Variants in MAGI1 observed in about 807,000 individuals in gnomAD.
MAGI1 encodes the protein membrane-associated guanylate kinase, WW and PDZ domain-containing protein 1.
MAGI1 carries 58 observed loss-of-function variants against 139.9 expected under a neutral mutation model. That is an observed-to-expected ratio of 0.41 (90% CI 0.34 to 0.52). MAGI1 has a LOEUF of 0.52. Ranked by LOEUF, MAGI1 falls within the 20% of genes least tolerant of loss-of-function variation. The pLI, the probability that MAGI1 is intolerant of heterozygous loss-of-function variation, is 0.12. For synonymous variants in MAGI1, 812 were observed against 737.9 expected (o/e 1.10, Z -1.63); for missense variants, 1,874 against 1,901.6 (o/e 0.99, Z 0.27).
chr3:65,917,857 A>G (rs2061980294), intron 1 of MAGI1, among the ~76,000 whole-genome samples: 1 of 152,252 alleles, frequency 6.6e-6, no homozygotes, highest in African/African-American at 2.4e-5. Flanking sequence ...GACACGTGTC[A>G]TTACATATTT....
chr3:65,850,844 CA>C (rs1416733124), intron 1 of MAGI1, among the ~76,000 whole-genome samples: 1 of 152,192 alleles, frequency 6.6e-6, no homozygotes, highest in Non-Finnish European at 1.5e-5. Flanking sequence ...TGGTGGCTCA[CA>C]CCTGTAATTC....
intron 2 of MAGI1, among the ~76,000 whole-genome samples, chr3:65,570,394 A>C (rs2080899701): frequency 6.7e-6 from 1 of 149,968 alleles, no homozygotes; most frequent in African/African-American, 2.5e-5. Flanking sequence ...GAGCCACTAC[A>C]CCTGGCCTTT....
In MAGI1 at chr3:66,027,833, T is replaced by A. The variant is rs182638341; in HGVS notation, c.313+10163A>T. 1.4e-3 allele frequency among the ~76,000 whole-genome samples: 213 copies of A among 152,190 alleles called. 1 individual carries two copies. Among genetic ancestry groups the A allele is most frequent in the Middle Eastern group, 3.4e-3 (1 of 294 alleles). Reference sequence around the variant, plus strand: ...AGGGGCTGTTGTGTACATTGTGGGGTGTTCAGCAGGGTCCCGGGCCTCTAC... The same window carrying A: ...AGGGGCTGTTGTGTACATTGTGGGGAGTTCAGCAGGGTCCCGGGCCTCTAC... On this transcript the variant is annotated intron_variant, in intron 1 of 22. Transcript: ENST00000402939.
chr3:65,559,010 T>A (rs1027674501), intron 2 of MAGI1, among the ~76,000 whole-genome samples: 16 of 152,200 alleles, frequency 1.1e-4, no homozygotes, highest in African/African-American at 3.9e-4. Flanking sequence ...GGCCAAATTA[T>A]ACATAGTGCA....
At chr3:65,639,989 CA>C (rs10576734) in intron 1 of MAGI1, among the ~76,000 whole-genome samples, 2,539 of 136,124 alleles carry the variant, frequency 0.019, 60 homozygotes, top group African/African-American at 0.058. Flanking sequence ...AACTCCGTCT[CA>C]AAAAAAAAAA....
chr3:66,000,150 G>C lies in MAGI1; in HGVS notation c.313+37846C>G, dbSNP rs1245238353. Among the ~76,000 whole-genome samples, 11 of 151,922 alleles carry C rather than the reference G, an allele frequency of 7.2e-5. No individual in the cohort carries two copies. The East Asian group carries it at 2.1e-3, about 30-fold the overall frequency. On this transcript the variant is annotated intron_variant, in intron 1 of 22. Coordinates refer to ENST00000402939, the MANE Select transcript of MAGI1 (RefSeq NM_001033057.2). ...ACCATGCCCGGCTAATTTTCTTTTT[G>C]TATTTTTAGTAGAGACAGGGTTTCA...
At chr3:65,934,768 GTT>G (rs56950206) in intron 1 of MAGI1, among the ~76,000 whole-genome samples, 4 of 142,086 alleles carry the variant, frequency 2.8e-5, no homozygotes, top group Non-Finnish European at 3.1e-5. Flanking sequence ...AAAAGTTGTT[GTT>G]TTTTTTTTTT....
At chr3:65,990,864 G>C (rs144582090) in intron 1 of MAGI1, among the ~76,000 whole-genome samples, 3 of 152,244 alleles carry the variant, frequency 2.0e-5, no homozygotes, top group Non-Finnish European at 4.4e-5. Flanking sequence ...GTGCATGCCT[G>C]TCGTCCTAGA....
intron 1 of MAGI1, among the ~76,000 whole-genome samples, chr3:65,811,829 C>G (rs2041252250): frequency 6.6e-6 from 1 of 152,056 alleles, no homozygotes; most frequent in Admixed American, 6.6e-5. Flanking sequence ...AGAATCCCCC[C>G]TTGTTCTTTT....
At chr3:65,611,215 AG>A (rs1462791464) in intron 2 of MAGI1, among the ~76,000 whole-genome samples, 1 of 141,558 alleles carries the variant, frequency 7.1e-6, no homozygotes, top group African/African-American at 2.5e-5. Context: ...ACACACGTGT[AG>A]TACTATATAC....
chr3:65,960,148 T>A (rs1250000650), intron 1 of MAGI1, among the ~76,000 whole-genome samples: 1 of 152,078 alleles, frequency 6.6e-6, no homozygotes, highest in Non-Finnish European at 1.5e-5. Flanking sequence ...GAGACAAGTA[T>A]CTTTCTGTTC....
At chr3:65,687,764 C>T (rs2088190915) in intron 1 of MAGI1, 2 of 559,718 alleles carry the variant, frequency 3.6e-6, no homozygotes, top group Admixed American at 1.9e-5. Context: ...GAAGTTTTGA[C>T]CATGCCTACC....
chr3:65,707,854 G>A (rs2030646079), intron 1 of MAGI1, among the ~76,000 whole-genome samples: 1 of 152,136 alleles, frequency 6.6e-6, no homozygotes, highest in Non-Finnish European at 1.5e-5. Flanking sequence ...AACCAGAGAG[G>A]AAAGCAAGCC....
intron 2 of MAGI1, among the ~76,000 whole-genome samples, chr3:65,572,377 T>G (rs755546592): frequency 1.3e-5 from 2 of 151,872 alleles, no homozygotes; most frequent in African/African-American, 4.8e-5. Flanking sequence ...AACAAGCAAA[T>G]GGTGTTAAAG....
chr3:65,458,170 T>C (rs1949526437), intron 5 of MAGI1, among the ~76,000 whole-genome samples: 1 of 152,178 alleles, frequency 6.6e-6, no homozygotes. Flanking sequence ...ATTGGGTATA[T>C]GGACTCCACT....
In MAGI1 at chr3:65,835,654, T is replaced by C. The variant is rs567355111; in HGVS notation, c.313+202342A>G. 3.9e-5 allele frequency among the ~76,000 whole-genome samples: 6 copies of C among 152,354 alleles called. No homozygotes were observed. In the East Asian group the frequency reaches 9.7e-4, roughly 25 times the overall value. Reference sequence around the variant, plus strand: ...ACTCTGTCTGGTGTATTTACTTTCATTGCCAGATAATATTTGCACTAATAT... The same window carrying C: ...ACTCTGTCTGGTGTATTTACTTTCACTGCCAGATAATATTTGCACTAATAT... On this transcript the variant is annotated intron_variant, in intron 1 of 22. Transcript: ENST00000402939.
chr3:65,972,601 T>C lies in MAGI1; in HGVS notation c.313+65395A>G, dbSNP rs1278802356. ...AGTTTCTATTCAGTCCAAAATATCATGTATTTTTGCTAAAATCATTATGAT... is the reference window on the plus strand; with the variant it reads ...AGTTTCTATTCAGTCCAAAATATCACGTATTTTTGCTAAAATCATTATGAT... On this transcript the variant is annotated intron_variant, in intron 1 of 22. Coordinates refer to ENST00000402939, the MANE Select transcript of MAGI1 (RefSeq NM_001033057.2). 3.9e-5 allele frequency among the ~76,000 whole-genome samples: 6 copies of C among 152,208 alleles called. No homozygotes were observed. In the East Asian group the frequency reaches 5.8e-4, roughly 15 times the overall value.
chr3:65,863,159 T>C (rs1371793505), intron 1 of MAGI1, among the ~76,000 whole-genome samples: 1 of 152,208 alleles, frequency 6.6e-6, no homozygotes, highest in African/African-American at 2.4e-5. Flanking sequence ...GTTGACAAAA[T>C]TCGGATCAAT....
chr3:65,586,119 G>A (rs969750486), intron 2 of MAGI1, among the ~76,000 whole-genome samples: 5 of 151,910 alleles, frequency 3.3e-5, no homozygotes, highest in South Asian at 2.1e-4. Context: ...CTGTGGTGAG[G>A]GTATCGCTTG....
Sources: allele counts gnomAD v4.1 joint callset (sites outside exome capture counted in the v4.1 genomes callset), GRCh38; gene constraint gnomAD v4.1.1; transcripts MANE v1.5; gene names NCBI Gene and HGNC (gene_info 2026-07-23, HGNC 2026-07-21).